Variants in ATP8A2 observed in about 807,000 individuals in gnomAD.
ATP8A2 encodes the protein ATPase phospholipid transporting 8A2.
In ATP8A2, 100 loss-of-function variants were observed where a neutral mutation model predicts 165.6. The ratio of observed to expected loss-of-function variants is 0.60; its 90% CI spans 0.51 to 0.71. ATP8A2 has a LOEUF of 0.71. Among genes scored for constraint, ATP8A2 ranks in the 30% least tolerant of loss-of-function variants. ATP8A2 has a pLI of 0.00. For synonymous variants in ATP8A2, 543 were observed against 548.8 expected (o/e 0.99, Z 0.15); for missense variants, 1,227 against 1,479.5 (o/e 0.83, Z 2.80).
chr13:25,563,148 G>A (rs1408354129), intron 15 of ATP8A2, among the ~76,000 whole-genome samples: 6 of 152,208 alleles, frequency 3.9e-5, no homozygotes, highest in South Asian at 2.1e-4. Flanking sequence ...GGTGGCTCAC[G>A]CCTGTAATCC....
chr13:25,469,231 C>A, intron 2 of ATP8A2, 110 bp downstream of exon 2: 2 of 1,343,454 alleles, frequency 1.5e-6, no homozygotes, highest in South Asian at 2.8e-5. Context: ...CCGTCCATCT[C>A]CCCCAGAGCC....
intron 27 of ATP8A2, among the ~76,000 whole-genome samples, chr13:25,798,639 A>G (rs1375632208): frequency 6.6e-6 from 1 of 152,220 alleles, no homozygotes; most frequent in African/African-American, 2.4e-5. Context: ...TGGGGATGTT[A>G]TAAGGGATGG....
intron 1 of ATP8A2, among the ~76,000 whole-genome samples, chr13:25,433,342 A>C (rs1030179272): frequency 6.6e-6 from 1 of 152,082 alleles, no homozygotes; most frequent in East Asian, 1.9e-4. Context: ...GTGTGATCAT[A>C]GCTCACTGCA....
Position 26,008,279 on chromosome 13 carries a change from A to G in ATP8A2, c.3378-4252A>G, listed in dbSNP as rs571396699. On this transcript the variant is annotated intron_variant, in intron 35 of 36. Coordinates refer to ENST00000381655, the MANE Select transcript of ATP8A2 (RefSeq NM_016529.6). ...AATAGTGATGAAAGAAGATACAGAT[A>G]TCAAAAAGCAAGAGAAGGGTAGTAT... Among the ~76,000 whole-genome samples, 49 of 152,246 alleles carry G rather than the reference A, an allele frequency of 3.2e-4. 3 individuals carry two copies. The highest frequency in any genetic ancestry group is 8.8e-5 in the Non-Finnish European group (6 of 68,042).
intron 24 of ATP8A2, among the ~76,000 whole-genome samples, chr13:25,676,647 G>T (rs2042378423): frequency 6.6e-6 from 1 of 152,078 alleles, no homozygotes; most frequent in South Asian, 2.1e-4. Flanking sequence ...TTGCCAAGTG[G>T]AAAGGAAAAG....
At chr13:25,418,732 A>T (rs1403386918) in intron 1 of ATP8A2, among the ~76,000 whole-genome samples, 1 of 151,724 alleles carries the variant, frequency 6.6e-6, no homozygotes, top group African/African-American at 2.4e-5. Flanking sequence ...GAGATCCACA[A>T]TTCGCAGAGC....
chr13:25,849,565 C>A lies in ATP8A2; in HGVS notation c.2956+9941C>A, dbSNP rs554872234. Among the ~76,000 whole-genome samples, 7 of 152,182 alleles carry A rather than the reference C, an allele frequency of 4.6e-5. No homozygotes were observed. In the South Asian group the frequency reaches 1.5e-3, roughly 32 times the overall value. The stretch of plus-strand genomic sequence containing the variant: ...TTTTCTTATAAATTGTGGCTTTTCC[C>A]ACAAATATTTTCAAAGAGATTTTTG... On this transcript the variant is annotated intron_variant, in intron 30 of 36. Coordinates refer to ENST00000381655, the MANE Select transcript of ATP8A2 (RefSeq NM_016529.6).
intron 16 of ATP8A2, among the ~76,000 whole-genome samples, chr13:25,570,515 C>T (rs933205616): frequency 7.2e-5 from 11 of 152,162 alleles, no homozygotes; most frequent in African/African-American, 2.7e-4. Context: ...CTTTTCTCTC[C>T]CCATCTCTTG....
At chr13:25,761,406 G>A (rs2138248003) in intron 25 of ATP8A2, among the ~76,000 whole-genome samples, 1 of 152,212 alleles carries the variant, frequency 6.6e-6, no homozygotes, top group African/African-American at 2.4e-5. Flanking sequence ...GTCATTTGTA[G>A]TGCAAAGATA....
intron 2 of ATP8A2, among the ~76,000 whole-genome samples, chr13:25,474,986 A>G (rs1478001185): frequency 2.0e-5 from 3 of 151,880 alleles, no homozygotes. Context: ...TGCCTGGCTA[A>G]TTTTTGTATT....
At chr13:25,405,420 C>T (rs980445415) in intron 1 of ATP8A2, among the ~76,000 whole-genome samples, 2 of 152,194 alleles carry the variant, frequency 1.3e-5, no homozygotes, top group Non-Finnish European at 2.9e-5. Flanking sequence ...TAAAGCCCAT[C>T]TCCCTTCATT....
chr13:25,476,320 CTA>C (rs1036736002), intron 2 of ATP8A2, among the ~76,000 whole-genome samples: 5 of 151,414 alleles, frequency 3.3e-5, no homozygotes, highest in African/African-American at 9.7e-5. Flanking sequence ...GAGTCTCACT[CTA>C]TTGGCCAGGC....
chr13:25,847,977 A>C (rs1951908537), intron 30 of ATP8A2, among the ~76,000 whole-genome samples: 1 of 152,192 alleles, frequency 6.6e-6, no homozygotes, highest in African/African-American at 2.4e-5. Flanking sequence ...TGAGCCTGCC[A>C]GAATTACTCC....
intron 27 of ATP8A2, among the ~76,000 whole-genome samples, chr13:25,825,727 G>A (rs1032320482): frequency 6.6e-6 from 1 of 152,126 alleles, no homozygotes; most frequent in Non-Finnish European, 1.5e-5. Context: ...CCAGTGGTAG[G>A]GAGAGAGTGG....
intron 33 of ATP8A2, among the ~76,000 whole-genome samples, chr13:25,926,765 C>T (rs1390838617): frequency 1.3e-5 from 2 of 152,272 alleles, no homozygotes; most frequent in East Asian, 1.9e-4. Context: ...TTTGGGAGGC[C>T]AAGGCTGGAG....
chr13:25,500,391 C>G (rs1190569787), intron 2 of ATP8A2, among the ~76,000 whole-genome samples: 1 of 152,134 alleles, frequency 6.6e-6, no homozygotes, highest in African/African-American at 2.4e-5. Context: ...TAAAATAACA[C>G]CTTTAAACTT....
intron 24 of ATP8A2, among the ~76,000 whole-genome samples, chr13:25,598,525 C>T (rs934666629): frequency 6.6e-6 from 1 of 152,178 alleles, no homozygotes; most frequent in African/African-American, 2.4e-5. Context: ...AAATTACTCT[C>T]AGCAGTATTT....
chr13:25,987,640 G>A (rs535582432), intron 35 of ATP8A2, among the ~76,000 whole-genome samples: 1 of 152,296 alleles, frequency 6.6e-6, no homozygotes, highest in South Asian at 2.1e-4. Flanking sequence ...ATGTTGCCAA[G>A]ACCACCTGTA....
At chr13:25,666,109 A>G (rs1324225483) in intron 24 of ATP8A2, among the ~76,000 whole-genome samples, 4 of 151,910 alleles carry the variant, frequency 2.6e-5, no homozygotes, top group African/African-American at 9.7e-5. Flanking sequence ...TCATTGTATA[A>G]TTTAGGTATT....
Sources: gnomAD v4.1 joint callset for allele counts (sites outside exome capture counted in the v4.1 genomes callset) on GRCh38, gnomAD v4.1.1 for gene constraint, MANE v1.5 for transcripts, NCBI Gene and HGNC (gene_info 2026-07-23, HGNC 2026-07-21) for gene names.